Variants in FAM149A observed in about 807,000 individuals in gnomAD.
The protein encoded by FAM149A is family with sequence similarity 149 member A, also known as protein FAM149A.
Under a neutral mutation model 78.2 loss-of-function variants are expected in FAM149A, and 71 were observed. The ratio of observed to expected loss-of-function variants is 0.91; its 90% CI spans 0.75 to 1.11. FAM149A has a LOEUF of 1.11. Among genes scored for constraint, FAM149A ranks in the 50% least tolerant of loss-of-function variants. The probability of loss-of-function intolerance (pLI) is 0.00; values close to 1 mark genes in which losing one functional copy is unlikely to be tolerated. For missense variants in FAM149A, 1,036 were observed against 971.0 expected, an observed-to-expected ratio of 1.07 and a Z score of -0.89; for synonymous variants, 446 against 410.5, an observed-to-expected ratio of 1.09 and a Z score of -1.04.
intron 10 of FAM149A, among the ~76,000 whole-genome samples, chr4:186,165,092 A>C (rs936122931): frequency 6.6e-6 from 1 of 150,978 alleles, no homozygotes; most frequent in Non-Finnish European, 1.5e-5. Flanking sequence ...TGACCCCCCC[A>C]CACACCAGCT....
At chr4:186,109,975 C>G (rs2099310529) in intron 1 of FAM149A, 1 of 985,306 alleles carries the variant, frequency 1.0e-6, no homozygotes, top group South Asian at 4.7e-5. Context: ...TGGGATCAAA[C>G]TTTTAATCTG....
At chr4:186,118,210 T>C (rs983779780) in intron 1 of FAM149A, 31 of 985,292 alleles carry the variant, frequency 3.1e-5, no homozygotes, top group Non-Finnish European at 3.7e-5. Flanking sequence ...CCACGCAAGA[T>C]GGGAGTGCTC....
At chr4:186,138,938 G>A (rs1206875884) in intron 1 of FAM149A, among the ~76,000 whole-genome samples, 3 of 152,104 alleles carry the variant, frequency 2.0e-5, no homozygotes, top group East Asian at 1.9e-4. Context: ...TATGATGCCC[G>A]CCTCCTGGAA....
intron 1 of FAM149A, chr4:186,109,939 C>T (rs1319285585): frequency 2.0e-6 from 2 of 985,272 alleles, no homozygotes; most frequent in African/African-American, 3.5e-5. Context: ...CTGTGTAACA[C>T]CCAGAAGGAA....
intron 13 of FAM149A, among the ~76,000 whole-genome samples, chr4:186,170,680 C>G (rs1216749443): frequency 6.6e-6 from 1 of 152,134 alleles, no homozygotes; most frequent in Non-Finnish European, 1.5e-5. Context: ...CCCTGGGGCA[C>G]CAAGGGACAG....
chr4:186,149,910 C>T (rs1239861113), intron 3 of FAM149A, among the ~76,000 whole-genome samples: 4 of 152,232 alleles, frequency 2.6e-5, no homozygotes, highest in Non-Finnish European at 5.9e-5. Context: ...TCGTGACCTT[C>T]TGGCCCCGTC....
At chr4:186,142,311 G>T (rs7681979) in intron 1 of FAM149A, among the ~76,000 whole-genome samples, 1 of 151,976 alleles carries the variant, frequency 6.6e-6, no homozygotes, top group Non-Finnish European at 1.5e-5. Context: ...TCTCTAGTTC[G>T]CAGGTCTTCA....
intron 1 of FAM149A, chr4:186,126,128 T>A (rs2099318222): frequency 1.0e-6 from 1 of 982,572 alleles, no homozygotes; most frequent in African/African-American, 1.7e-5. Flanking sequence ...ATCCTTTCAT[T>A]AGTATCATAT....
chr4:186,104,924 T>C lies in FAM149A; in HGVS notation c.-153T>C. 1.0e-6 allele frequency: 1 copy of C among 977,498 alleles called. No individual in the cohort carries two copies. The highest frequency in any genetic ancestry group is 1.2e-6 in the Non-Finnish European group (1 of 822,980). The allele number at this position is 977,498 out of a possible 1,614,324, so 60.6% of individuals were successfully genotyped here. ...AAGGGCGACCCCAGCGGCGCGGAGC[T>C]GAGCGTCCTCGGGGAGGAGAGGGAG... On this transcript the variant is annotated 5_prime_UTR_variant, in exon 1 of 14. Transcript: ENST00000389354.
intron 1 of FAM149A, among the ~76,000 whole-genome samples, chr4:186,117,171 A>G (rs1006905716): frequency 2.6e-5 from 4 of 152,154 alleles, no homozygotes; most frequent in Admixed American, 1.3e-4. Context: ...ATAAATATCT[A>G]TTACATGATA....
At chr4:186,118,198 C>T in intron 1 of FAM149A, 1 of 985,420 alleles carries the variant, frequency 1.0e-6, no homozygotes, top group Non-Finnish European at 1.2e-6. Flanking sequence ...TGACATCACA[C>T]ACCACGCAAG....
chr4:186,110,395 T>A, intron 1 of FAM149A: 2 of 197,998 alleles, frequency 1.0e-5, no homozygotes, highest in Admixed American at 9.3e-4. Context: ...GTTACTTTCT[T>A]TTTTTTTTTT....
chr4:186,127,150 G>A, intron 1 of FAM149A: 1 of 985,074 alleles, frequency 1.0e-6, no homozygotes, highest in South Asian at 4.7e-5. Flanking sequence ...GGGCCAACAG[G>A]AGCAACTGTA....
intron 1 of FAM149A, among the ~76,000 whole-genome samples, chr4:186,106,471 T>C (rs2150073553): frequency 6.6e-6 from 1 of 152,224 alleles, no homozygotes; most frequent in African/African-American, 2.4e-5. Context: ...TGCAAAGAAA[T>C]AGTGAAATGG....
At chr4:186,113,650 T>TA (rs2099312263) in intron 1 of FAM149A, among the ~76,000 whole-genome samples, 2 of 149,014 alleles carry the variant, frequency 1.3e-5, no homozygotes. Context: ...TTTCGTTATG[T>TA]ATCCAGTAGT....
At chr4:186,143,181 A>G (rs1732665585) in intron 1 of FAM149A, among the ~76,000 whole-genome samples, 2 of 130,062 alleles carry the variant, frequency 1.5e-5, no homozygotes, top group African/African-American at 5.8e-5. Context: ...TTTTGAGACA[A>G]GAGTCTTGCT....
At chr4:186,142,209 G>A (rs540757074) in intron 1 of FAM149A, among the ~76,000 whole-genome samples, 7 of 152,206 alleles carry the variant, frequency 4.6e-5, no homozygotes, top group East Asian at 1.9e-4. Flanking sequence ...GCCTGGCTCC[G>A]CCACCTCTCT....
At chr4:186,110,227 C>T in intron 1 of FAM149A, 2 of 985,270 alleles carry the variant, frequency 2.0e-6, no homozygotes, top group Non-Finnish European at 2.4e-6. Context: ...TTACAACAAC[C>T]CAGGGGCAGT....
intron 8 of FAM149A, chr4:186,157,966 ACG>A: frequency 6.6e-6 from 10 of 1,514,834 alleles, no homozygotes; most frequent in Non-Finnish European, 8.8e-6. Context: ...GTAGGAGCCC[ACG>A]CAGGCGGCAC....
Sources: gnomAD v4.1 joint callset for allele counts (sites outside exome capture counted in the v4.1 genomes callset) on GRCh38, gnomAD v4.1.1 for gene constraint, MANE v1.5 for transcripts, NCBI Gene and HGNC (gene_info 2026-07-23, HGNC 2026-07-21) for gene names.